The following CELF2 variants were observed in gnomAD, a reference collection of about 807,000 sequenced individuals.
The protein encoded by CELF2 is CUGBP Elav-like family member 2.
Under a neutral mutation model 62.6 loss-of-function variants are expected in CELF2, and 8 were observed. That is an observed-to-expected ratio of 0.13 (90% CI 0.07 to 0.23). CELF2 has a LOEUF of 0.23. Among genes scored for constraint, CELF2 ranks in the 10% least tolerant of loss-of-function variants. The probability of loss-of-function intolerance (pLI) is 1.00; values close to 1 mark genes in which losing one functional copy is unlikely to be tolerated. For synonymous variants in CELF2, 258 were observed against 250.0 expected (o/e 1.03, Z -0.30); for missense variants, 333 against 671.0 (o/e 0.50, Z 5.56).
At chr10:10,674,640 G>A in the CELF2 span, among the ~76,000 whole-genome samples, 6 of 152,052 alleles carry the variant, frequency 3.9e-5, no homozygotes, top group East Asian at 1.2e-3. Context: ...GTTTAATTGA[G>A]GATTTGATAT....
chr10:10,499,034 G>T, the CELF2 span, among the ~76,000 whole-genome samples: 1 of 150,806 alleles, frequency 6.6e-6, no homozygotes, highest in South Asian at 2.1e-4. Flanking sequence ...GTCATCCACT[G>T]CTTATGAAAT....
chr10:10,615,328 G>A, the CELF2 span, among the ~76,000 whole-genome samples: 1 of 152,062 alleles, frequency 6.6e-6, no homozygotes, highest in Non-Finnish European at 1.5e-5. Context: ...CATGCACAAA[G>A]CAGCAAAAAA....
In CELF2 at chr10:11,214,634, G is replaced by A. The variant is rs751789503; in HGVS notation, c.272-2791G>A. Among the ~76,000 whole-genome samples, 9 of 152,220 alleles carry A rather than the reference G, an allele frequency of 5.9e-5. No individual in the cohort carries two copies. Among genetic ancestry groups the A allele is most frequent in the African/African-American group, 1.2e-4 (5 of 41,456 alleles). On this transcript the variant is annotated intron_variant, in intron 2 of 12. Coordinates refer to ENST00000633077, the MANE Select transcript of CELF2 (RefSeq NM_001326342.2). The surrounding 1 kb of genome is among the most constrained non-coding windows in gnomAD (Gnocchi z 4.2). ...GCGGCGCCTGTGGAGCTGTGCTGGG[G>A]CTCAGCTCTTGGGTCGGACAGATGA...
At chr10:10,497,580 G>A in the CELF2 span, among the ~76,000 whole-genome samples, 1 of 152,134 alleles carries the variant, frequency 6.6e-6, no homozygotes, top group Non-Finnish European at 1.5e-5. Flanking sequence ...AAGGGTTGGG[G>A]ATGAGGGTTT....
the CELF2 span, among the ~76,000 whole-genome samples, chr10:10,699,147 G>T: frequency 1.3e-5 from 2 of 152,102 alleles, no homozygotes; most frequent in African/African-American, 4.8e-5. Context: ...AACAGTAGAT[G>T]TAAAAGATGC....
intron 2 of CELF2, among the ~76,000 whole-genome samples, chr10:11,193,090 T>C (rs2076617646): frequency 6.6e-6 from 1 of 152,222 alleles, no homozygotes; most frequent in East Asian, 1.9e-4. Flanking sequence ...GAATTAGTCA[T>C]GGTAGTTCAC....
chr10:11,127,551 A>G (rs1192032446), intron 1 of CELF2, among the ~76,000 whole-genome samples: 2 of 152,088 alleles, frequency 1.3e-5, no homozygotes, highest in Non-Finnish European at 2.9e-5. Flanking sequence ...CCTCTGCAGC[A>G]TCTGTTGTTT....
At chr10:10,530,341 AG>A in the CELF2 span, among the ~76,000 whole-genome samples, 1 of 152,342 alleles carries the variant, frequency 6.6e-6, no homozygotes, top group East Asian at 1.9e-4. Flanking sequence ...TAATTACTAT[AG>A]TTTGCAAGAA....
intron 2 of CELF2, among the ~76,000 whole-genome samples, chr10:11,206,837 A>G (rs2060540801): frequency 6.6e-6 from 1 of 152,250 alleles, no homozygotes; most frequent in African/African-American, 2.4e-5. Context: ...GTTTTCTCTA[A>G]CAAAGAAGAC....
Position 11,297,491 on chromosome 10 carries a change from A to G in CELF2, c.976+8939A>G, listed in dbSNP as rs2093317807. The stretch of plus-strand genomic sequence containing the variant: ...GGAAAGGGAGCTTTCTGGGTAGCAC[A>G]GTGTCAGGGGAGCCAAGCAGGATGG... On this transcript the variant is annotated intron_variant, in intron 9 of 12. Coordinates refer to ENST00000633077, the MANE Select transcript of CELF2 (RefSeq NM_001326342.2). The surrounding 1 kb of genome is among the most constrained non-coding windows in gnomAD (Gnocchi z 4.4). Among the ~76,000 whole-genome samples, 1 of 152,108 alleles carries G rather than the reference A, an allele frequency of 6.6e-6. No homozygotes were observed. The highest frequency in any genetic ancestry group is 2.4e-5 in the African/African-American group (1 of 41,410).
chr10:10,657,959 C>T, the CELF2 span, among the ~76,000 whole-genome samples: 1 of 152,096 alleles, frequency 6.6e-6, no homozygotes, highest in Admixed American at 6.6e-5. Flanking sequence ...TTCAGGTTTA[C>T]GCTGAGTTGT....
chr10:11,143,727 A>G (rs2061751309), intron 1 of CELF2, among the ~76,000 whole-genome samples: 1 of 152,254 alleles, frequency 6.6e-6, no homozygotes, highest in Non-Finnish European at 1.5e-5. Flanking sequence ...GTCTTAGTAT[A>G]GACCTTGCAT....
chr10:10,636,289 T>A, the CELF2 span, among the ~76,000 whole-genome samples: 1 of 152,360 alleles, frequency 6.6e-6, no homozygotes, highest in South Asian at 2.1e-4. Context: ...AATAAATACC[T>A]TCCTCTCTGT....
chr10:10,837,478 C>G (rs1459153081), intron 1 of CELF2, among the ~76,000 whole-genome samples: 1 of 152,210 alleles, frequency 6.6e-6, no homozygotes. Flanking sequence ...CTGCTGTGAT[C>G]TTTTCATCCT....
chr10:11,208,049 T>G (rs1157816095), intron 2 of CELF2, among the ~76,000 whole-genome samples: 1 of 152,164 alleles, frequency 6.6e-6, no homozygotes, highest in Non-Finnish European at 1.5e-5. Context: ...ATTCTCCCTA[T>G]GAGAGGCATA....
chr10:10,530,800 C>T, the CELF2 span, among the ~76,000 whole-genome samples: 1 of 152,194 alleles, frequency 6.6e-6, no homozygotes, highest in South Asian at 2.1e-4. Context: ...ATGCTCTTCA[C>T]TAATTCTTCT....
chr10:11,314,087 T>G lies in CELF2; in HGVS notation c.977-52T>G. 6.4e-7 allele frequency: 1 copy of G among 1,553,236 alleles called. No individual in the cohort carries two copies. Among genetic ancestry groups the G allele is most frequent in the Non-Finnish European group, 8.8e-7 (1 of 1,136,252 alleles). On this transcript the variant is annotated intron_variant, in intron 9 of 12. Transcript: ENST00000633077. The surrounding 1 kb of genome is among the most constrained non-coding windows in gnomAD (Gnocchi z 5.3). Reference sequence around the variant, plus strand: ...TGACAGAAGGATTTCCAGTCTCGGCTCTCACTCACCTCGTGTCTTCTCTCC... The same window carrying G: ...TGACAGAAGGATTTCCAGTCTCGGCGCTCACTCACCTCGTGTCTTCTCTCC...
At chr10:10,836,863 C>T (rs987550164) in intron 1 of CELF2, among the ~76,000 whole-genome samples, 2 of 152,282 alleles carry the variant, frequency 1.3e-5, no homozygotes. Context: ...TCTTGACCTC[C>T]TGACCTCGTG....
upstream of CELF2, among the ~76,000 whole-genome samples, chr10:10,796,125 C>T (rs2054126190): frequency 6.6e-6 from 1 of 152,128 alleles, no homozygotes; most frequent in Middle Eastern, 3.2e-3. Context: ...TGCTGTGTGG[C>T]GGTTACTCGC....
Sources: gnomAD v4.1 joint callset for allele counts (sites outside exome capture counted in the v4.1 genomes callset) on GRCh38, gnomAD v4.1.1 for gene constraint, Gnocchi (gnomAD v3.1) non-coding constraint, MANE v1.5 for transcripts, NCBI Gene and HGNC (gene_info 2026-07-23, HGNC 2026-07-21) for gene names.